Variants in H3-3A observed in about 807,000 individuals in gnomAD.
The protein encoded by H3-3A is H3.3 histone A, also known as histone H3.3.
For synonymous variants in H3-3A, 49 were observed against 61.4 expected (o/e 0.80, Z 0.95); for missense variants, 7 against 184.0 (o/e 0.04, Z 5.57).
Position 226,071,334 on chromosome 1 carries a change from C to A in H3-3A, c.283-17C>A. 6.2e-7 allele frequency: 1 copy of A among 1,604,484 alleles called. No individual in the cohort carries two copies. Among genetic ancestry groups the A allele is most frequent in the South Asian group, 1.1e-5 (1 of 90,760 alleles). On this transcript the variant is annotated splice_polypyrimidine_tract_variant and intron_variant, in intron 3 of 3. Transcript: ENST00000366815. Reference sequence around the variant, plus strand: ...GAAATAACATCATCAGTAATTTTTTCTTCATTCCTTTTGCAGGAGGCAAGT... The same window carrying A: ...GAAATAACATCATCAGTAATTTTTTATTCATTCCTTTTGCAGGAGGCAAGT...
At chr1:226,062,483 C>T (rs1228025815), upstream of H3-3A, among the ~76,000 whole-genome samples, 1 of 149,162 alleles carries the variant, frequency 6.7e-6, no homozygotes, top group African/African-American at 2.5e-5. Flanking sequence ...CTCAGCGTGT[C>T]TTTTGTGTTT....
chr1:226,065,610 T>G, intron 2 of H3-3A, 46 bp from the exon 3 acceptor site: 4 of 1,418,682 alleles, frequency 2.8e-6, no homozygotes, highest in Non-Finnish European at 2.9e-6. Context: ...TACCTTTTTG[T>G]GCTAGTTATG....
upstream of H3-3A, among the ~76,000 whole-genome samples, chr1:226,062,437 G>A (rs1657740453): frequency 6.6e-6 from 1 of 151,274 alleles, no homozygotes; most frequent in African/African-American, 2.4e-5. Flanking sequence ...GGGCTGGCCG[G>A]GTGCGGGCGG....
intron 3 of H3-3A, among the ~76,000 whole-genome samples, chr1:226,070,211 G>A (rs916145594): frequency 6.6e-6 from 1 of 152,158 alleles, no homozygotes; most frequent in African/African-American, 2.4e-5. Context: ...GCCAGTTGCG[G>A]TGGCTCACTC....
intron 3 of H3-3A, 61 bp downstream of exon 3, chr1:226,065,870 C>T: frequency 8.1e-7 from 1 of 1,234,918 alleles, no homozygotes; most frequent in African/African-American, 1.5e-5. Context: ...AGAACAGTTC[C>T]AAATTGTTGC....
chr1:226,062,869 G>T (rs527449567), intron 1 of H3-3A, 58 bp downstream of exon 1: 235 of 156,488 alleles, frequency 1.5e-3, no homozygotes, highest in Non-Finnish European at 2.6e-3. Context: ...CGTCAGCCCC[G>T]AGCCGGGCCC....
At chr1:226,067,740 T>C (rs1657974539) in intron 3 of H3-3A, among the ~76,000 whole-genome samples, 1 of 12,000 alleles carries the variant, frequency 8.3e-5, no homozygotes, top group Admixed American at 1.2e-3. Context: ...AAAACTCTTG[T>C]CTCAAAAAAA....
chr1:226,066,127 T>C, intron 3 of H3-3A: 1 of 450,432 alleles, frequency 2.2e-6, no homozygotes, highest in African/African-American at 2.0e-5. Context: ...TGCAGGACAT[T>C]AAGAAGAACT....
At position 226,065,398 on chromosome 1, in the gene H3-3A, T is replaced by C. The variant is rs188705876; in HGVS notation, c.129-258T>C. ...CAAGGTTTATATACATGAATAACTT[T>C]TTAAAATGAAAATAAATAGGGCTTT... On this transcript the variant is annotated intron_variant, in intron 2 of 3. Coordinates refer to ENST00000366815, the MANE Select transcript of H3-3A (RefSeq NM_002107.7). Among the ~76,000 whole-genome samples, 46 of 152,326 alleles carry C rather than the reference T, an allele frequency of 3.0e-4. 1 individual carries two copies. The highest frequency in any genetic ancestry group is 3.0e-3 in the Admixed American group (46 of 15,298).
At chr1:226,068,771 G>C (rs1395613999) in intron 3 of H3-3A, among the ~76,000 whole-genome samples, 1 of 152,150 alleles carries the variant, frequency 6.6e-6, no homozygotes, top group Non-Finnish European at 1.5e-5. Flanking sequence ...TAACTTAAGG[G>C]CACCAAAAAA....
intron 1 of H3-3A, among the ~76,000 whole-genome samples, chr1:226,063,423 A>G (rs1657806488): frequency 1.3e-5 from 2 of 152,142 alleles, no homozygotes; most frequent in African/African-American, 4.8e-5. Context: ...AAATGCAAAA[A>G]AAACTTTTGC....
intron 2 of H3-3A, 55 bp from the exon 3 acceptor site, chr1:226,065,601 A>G (rs1256792829): frequency 2.2e-6 from 3 of 1,334,038 alleles, no homozygotes; most frequent in Non-Finnish European, 3.1e-6. Flanking sequence ...CTGCCCACTT[A>G]CCTTTTTGTG....
chr1:226,069,573 T>C (rs1576202010), intron 3 of H3-3A, among the ~76,000 whole-genome samples: 1 of 152,170 alleles, frequency 6.6e-6, no homozygotes, highest in African/African-American at 2.4e-5. Context: ...GGCTCACACC[T>C]GTAATCCCAG....
At chr1:226,069,194 A>G (rs1658018526) in intron 3 of H3-3A, among the ~76,000 whole-genome samples, 1 of 151,926 alleles carries the variant, frequency 6.6e-6, no homozygotes, top group Non-Finnish European at 1.5e-5. Context: ...CTACAGGCAC[A>G]TGCCACCACG....
chr1:226,065,455 T>G (rs1657893720), intron 2 of H3-3A, among the ~76,000 whole-genome samples: 1 of 152,220 alleles, frequency 6.6e-6, no homozygotes, highest in Non-Finnish European at 1.5e-5. Context: ...GCATTTTAAT[T>G]TCATGCTTTT....
chr1:226,064,232 T>A, intron 1 of H3-3A, 97 bp from the exon 2 acceptor site: 4 of 812,662 alleles, frequency 4.9e-6, no homozygotes, highest in Non-Finnish European at 8.0e-6. Flanking sequence ...TTTATACTGA[T>A]CATAATTTCC....
intron 3 of H3-3A, among the ~76,000 whole-genome samples, chr1:226,069,168 T>C (rs955514301): frequency 2.0e-5 from 3 of 151,724 alleles, no homozygotes; most frequent in African/African-American, 7.3e-5. Flanking sequence ...TGTCTCAGCC[T>C]CCCAAGTAGC....
intron 2 of H3-3A, 49 bp downstream of exon 2, chr1:226,064,528 C>T (rs763924881): frequency 1.3e-6 from 2 of 1,500,388 alleles, no homozygotes; most frequent in Admixed American, 2.1e-5. Context: ...TTGTATGTAT[C>T]CACATAATTT....
intron 2 of H3-3A, among the ~76,000 whole-genome samples, chr1:226,065,195 G>T (rs1657885158): frequency 6.6e-6 from 1 of 152,170 alleles, no homozygotes; most frequent in Admixed American, 6.5e-5. Context: ...CTGTAGTCAG[G>T]GTAGAGGTAT....
Sources: gnomAD v4.1 joint callset for allele counts (sites outside exome capture counted in the v4.1 genomes callset) on GRCh38, gnomAD v4.1.1 for gene constraint, MANE v1.5 for transcripts, NCBI Gene and HGNC (gene_info 2026-07-23, HGNC 2026-07-21) for gene names.